Variants in PRKD3 observed in about 807,000 individuals in gnomAD.
PRKD3 encodes serine/threonine-protein kinase D3.
A neutral mutation model predicts 99.2 loss-of-function variants in PRKD3; 47 were observed. The observed-to-expected ratio is 0.47, with a 90% CI of 0.38 to 0.60. The LOEUF (loss-of-function observed/expected upper bound fraction) is 0.60, where lower values mean the gene tolerates loss of function less well. Among genes scored for constraint, PRKD3 ranks in the 20% least tolerant of loss-of-function variants. PRKD3 has a pLI of 0.00. For missense variants in PRKD3, 1,019 were observed against 1,088.4 expected (o/e 0.94, Z 0.90); for synonymous variants, 392 against 355.4 (o/e 1.10, Z -1.16).
intron 9 of PRKD3, among the ~76,000 whole-genome samples, chr2:37,276,334 G>A (rs1669569691): frequency 6.6e-6 from 1 of 152,108 alleles, no homozygotes; most frequent in African/African-American, 2.4e-5. Context: ...CATTAATGCA[G>A]TATGTTAATA....
At chr2:37,302,622 G>A (rs1670986858) in intron 2 of PRKD3, among the ~76,000 whole-genome samples, 1 of 152,196 alleles carries the variant, frequency 6.6e-6, no homozygotes, top group Non-Finnish European at 1.5e-5. Flanking sequence ...AAGGTAGGAA[G>A]CTTCCAAGTT....
intron 14 of PRKD3, among the ~76,000 whole-genome samples, chr2:37,266,805 G>A (rs748651608): frequency 1.3e-5 from 2 of 151,972 alleles, no homozygotes; most frequent in East Asian, 1.9e-4. Context: ...GCTATTATAC[G>A]ACCATGATTT....
intron 9 of PRKD3, among the ~76,000 whole-genome samples, chr2:37,277,340 TAC>T (rs920653786): frequency 2.6e-5 from 4 of 152,190 alleles, no homozygotes; most frequent in African/African-American, 9.6e-5. Flanking sequence ...TATAGTAAGT[TAC>T]AGAGACTTAG....
Position 37,279,854 on chromosome 2 carries a change from C to T in PRKD3, c.1064G>A (p.Arg355Gln), listed in dbSNP as rs767548546. The stretch of plus-strand genomic sequence containing the variant: ...TGGCTCTTCTGTGTCATCCAAACCC[C>T]GACTACTATCACTATTTATGTCATT... ...DNNDINSDSS[R>Q]GLDDTEEPSP... The change falls in exon 8 of 19, where the codon CGG (arginine) becomes CAG (glutamine). Residue 355 changes from arginine (R) to glutamine (Q), a missense_variant. Transcript: ENST00000234179. 31 of 1,612,800 alleles carry T rather than the reference C, an allele frequency of 1.9e-5. No homozygotes were observed. The highest frequency in any genetic ancestry group is 1.1e-4 in the South Asian group (10 of 91,044).
chr2:37,286,462 A>C lies in PRKD3; in HGVS notation c.718-93T>G, dbSNP rs1014420946. ...ACCACAAGAATCATTTATTTCAAAC[A>C]CTAAAGCCAAAAAACTCTAAAAATG... On this transcript the variant is annotated intron_variant, in intron 5 of 18. Coordinates refer to ENST00000234179, the MANE Select transcript of PRKD3 (RefSeq NM_005813.6). 3 of 1,077,938 alleles carry C rather than the reference A, an allele frequency of 2.8e-6. No homozygotes were observed. In the African/African-American group the frequency reaches 4.8e-5, roughly 17 times the overall value. The allele number at this position is 1,077,938 out of a possible 1,614,324, so 66.8% of individuals were successfully genotyped here. A position where few individuals can be genotyped will look rare whatever the true frequency, so the allele number is the denominator to read the frequency against.
chr2:37,318,964 C>G (rs1214318386), intron 1 of PRKD3, among the ~76,000 whole-genome samples: 4 of 152,124 alleles, frequency 2.6e-5, no homozygotes, highest in Non-Finnish European at 5.9e-5. Context: ...ATAATGATCA[C>G]TAGAAGTCAA....
intron 6 of PRKD3, among the ~76,000 whole-genome samples, chr2:37,285,328 T>C (rs1670039654): frequency 6.6e-6 from 1 of 152,156 alleles, no homozygotes. Flanking sequence ...TATAAGCAAA[T>C]AATTATTCCA....
At chr2:37,273,245 A>T (rs1018305297) in intron 11 of PRKD3, among the ~76,000 whole-genome samples, 1 of 152,126 alleles carries the variant, frequency 6.6e-6, no homozygotes, top group African/African-American at 2.4e-5. Context: ...CTGAGGAAAC[A>T]GTCCTAGTTT....
intron 1 of PRKD3, among the ~76,000 whole-genome samples, chr2:37,321,900 G>C (rs1320575873): frequency 6.6e-6 from 1 of 152,168 alleles, no homozygotes; most frequent in Admixed American, 6.5e-5. Flanking sequence ...TCTTCAAAAA[G>C]AAGTTCATTA....
chr2:37,269,534 G>T, intron 13 of PRKD3, 81 bp downstream of exon 13: 2 of 1,268,684 alleles, frequency 1.6e-6, no homozygotes, highest in South Asian at 2.4e-5. Flanking sequence ...ACTATGAGAT[G>T]ACAAAACAGC....
intron 14 of PRKD3, among the ~76,000 whole-genome samples, chr2:37,264,385 C>CA (rs1465168524): frequency 1.3e-5 from 2 of 151,974 alleles, no homozygotes; most frequent in African/African-American, 4.8e-5. Context: ...CAAAACTTGA[C>CA]AAAGATGCCT....
At chr2:37,282,653 TA>T (rs747676335) in intron 6 of PRKD3, 34 bp from the exon 7 acceptor site, 1 of 1,438,030 alleles carries the variant, frequency 7.0e-7, no homozygotes, top group African/African-American at 1.4e-5. Context: ...TTAATTTATG[TA>T]AAAGTCAAGC....
rs139697257 is a variant in PRKD3 at position 37,293,219 on chromosome 2, T to C, written c.341A>G (p.His114Arg). Residue 114 changes from histidine (H) to arginine (R), a missense_variant, in exon 3 of 19, where the codon CAT becomes CGT. Physicochemically the swap from His to Arg is conservative, Grantham distance 29. Around this residue, in one of 3 missense-constraint regions of PRKD3, gnomAD observed 710 missense variants for 692.7 expected, o/e 1.02. Coordinates refer to ENST00000234179, the MANE Select transcript of PRKD3 (RefSeq NM_005813.6). Reference protein sequence around the residue: ...GMYDKILLFRHDMNSENILQL... With the variant: ...GMYDKILLFRRDMNSENILQL... ...CAAAATGTTTTCTGAGTTCATGTCA[T>C]GGCGAAAGAGAAGAATTTTGTCATA... 11 of 1,604,018 alleles carry C rather than the reference T, an allele frequency of 6.9e-6. No homozygotes were observed. In the African/African-American group the frequency reaches 8.0e-5, roughly 12 times the overall value.
At chr2:37,271,817 G>T (rs1362980992) in intron 12 of PRKD3, among the ~76,000 whole-genome samples, 1 of 152,146 alleles carries the variant, frequency 6.6e-6, no homozygotes, top group Non-Finnish European at 1.5e-5. Flanking sequence ...AAAGGTTAGG[G>T]ACTGCTGGTC....
intron 14 of PRKD3, among the ~76,000 whole-genome samples, chr2:37,265,000 TTAA>T (rs140752870): frequency 0.028 from 4,230 of 152,260 alleles, 182 homozygotes; most frequent in African/African-American, 0.096. Context: ...AGCTGTAGTC[TTAA>T]TAATAATATG....
chr2:37,302,047 A>C (rs1670953698), intron 2 of PRKD3, among the ~76,000 whole-genome samples: 1 of 152,242 alleles, frequency 6.6e-6, no homozygotes, highest in Admixed American at 6.5e-5. Flanking sequence ...AGGGAATAAA[A>C]GAGTCAAGAG....
At position 37,284,732 on chromosome 2, in the gene PRKD3, C is replaced by T. The variant is rs144417942; in HGVS notation, c.910+1445G>A. The stretch of plus-strand genomic sequence containing the variant: ...CTGACAACAAATGTATAATCTATTC[C>T]CCATTTAATGTTCTTGTGTGCTATC... On this transcript the variant is annotated intron_variant, in intron 6 of 18. Transcript: ENST00000234179. 1.7e-3 allele frequency among the ~76,000 whole-genome samples: 258 copies of T among 152,072 alleles called. 1 individual carries two copies. Among genetic ancestry groups the T allele is most frequent in the African/African-American group, 6.1e-3 (252 of 41,486 alleles).
At chr2:37,261,285 G>C (rs974515316) in intron 14 of PRKD3, among the ~76,000 whole-genome samples, 1 of 151,858 alleles carries the variant, frequency 6.6e-6, no homozygotes, top group African/African-American at 2.4e-5. Context: ...TCAGGAGTTC[G>C]AGACCAGCGT....
chr2:37,286,476 ACT>A, intron 5 of PRKD3, 107 bp from the exon 6 acceptor site: 4 of 939,952 alleles, frequency 4.3e-6, no homozygotes, highest in Non-Finnish European at 6.1e-6. Context: ...AAGCCAAAAA[ACT>A]CTAAAAATGT....
Sources: allele counts gnomAD v4.1 joint callset (sites outside exome capture counted in the v4.1 genomes callset), GRCh38; gene constraint gnomAD v4.1.1; regional missense constraint gnomAD v4.1.1; transcripts MANE v1.5; gene names NCBI Gene and HGNC (gene_info 2026-07-23, HGNC 2026-07-21).